Variants in NCF1 observed in about 807,000 individuals in gnomAD.
The protein encoded by NCF1 is neutrophil cytosol factor 1.
In NCF1, 8 loss-of-function variants were observed where a neutral mutation model predicts 34.9. The ratio of observed to expected loss-of-function variants is 0.23; its 90% CI spans 0.13 to 0.41. The LOEUF (loss-of-function observed/expected upper bound fraction) is 0.41, where lower values mean the gene tolerates loss of function less well. NCF1 is among the 10% of genes least tolerant of loss of function. The pLI, the probability that NCF1 is intolerant of heterozygous loss-of-function variation, is 1.00. For missense variants in NCF1, 122 were observed against 362.4 expected (o/e 0.34, Z 5.39); for synonymous variants, 57 against 146.3 (o/e 0.39, Z 4.41).
At chr7:74,777,122 C>T in intron 1 of NCF1, 145 bp from the exon 2 acceptor site, 1 of 673,668 alleles carries the variant, frequency 1.5e-6, no homozygotes. Flanking sequence ...CACGTTTGTG[C>T]CCTTTCTGCA....
At position 74,777,347 on chromosome 7, in the gene NCF1, T is replaced by C. The variant is rs1353672234; in HGVS notation, c.153T>C (p.His51=). ...YRRFTEIYEF[H]KTLKEMFPIE... The stretch of plus-strand genomic sequence containing the variant: ...GCTTCACCGAGATCTACGAGTTCCA[T>C]GTGAGTGTGGGGATGGAGGAGGGAC... Residue 51 remains histidine (H), a splice_region_variant and synonymous_variant, in exon 2 of 11, where the codon CAT becomes CAC. Coordinates refer to ENST00000289473, the MANE Select transcript of NCF1 (RefSeq NM_000265.7). 1.9e-6 allele frequency: 3 copies of C among 1,575,496 alleles called. No homozygotes were observed. The highest frequency in any genetic ancestry group is 2.8e-5 in the African/African-American group (2 of 71,604).
At chr7:74,787,138 G>A (rs1554414639) in intron 8 of NCF1, among the ~76,000 whole-genome samples, 1 of 151,322 alleles carries the variant, frequency 6.6e-6, no homozygotes, top group African/African-American at 2.4e-5. Flanking sequence ...AGTAAAACCT[G>A]AAACTAAAAA....
At chr7:74,782,547 C>A (rs1432548277) in intron 5 of NCF1, among the ~76,000 whole-genome samples, 1 of 141,796 alleles carries the variant, frequency 7.1e-6, no homozygotes, top group South Asian at 2.3e-4. Flanking sequence ...AGTTCGAGAC[C>A]AGCCTGGGCA....
At position 74,788,704 on chromosome 7, in the gene NCF1, G is replaced by C. The variant is rs782284699; in HGVS notation, c.1051G>C (p.Glu351Gln). The change falls in exon 10 of 11, where the codon GAG becomes CAG. Residue 351 changes from glutamate to glutamine, a missense_variant and splice_region_variant. Physicochemically the swap from Glu to Gln is conservative, Grantham distance 29. Coordinates refer to ENST00000289473, the MANE Select transcript of NCF1 (RefSeq NM_000265.7). ...PGPQSPGSPL[E>Q]EERQTQRSKP... ...ACCGCAGAGCCCCGGGAGCCCGCTC[G>C]GTGAGTGCAGCGGGAGAGGGCAGGA... 33 of 1,549,748 alleles carry C rather than the reference G, an allele frequency of 2.1e-5. No homozygotes were observed. The highest frequency in any genetic ancestry group is 2.9e-5 in the Non-Finnish European group (33 of 1,155,374).
intron 2 of NCF1, 28 bp downstream of exon 2, chr7:74,777,375 G>C (rs1554413155): frequency 1.3e-6 from 2 of 1,504,024 alleles, no homozygotes; most frequent in East Asian, 5.1e-5. Flanking sequence ...GGAGGGACAG[G>C]GACCCACCGT....
chr7:74,777,571 C>T (rs1386541489), intron 2 of NCF1: 162 of 498,216 alleles, frequency 3.3e-4, no homozygotes, highest in Non-Finnish European at 3.8e-4. Flanking sequence ...CCCCCACGCT[C>T]GGCCTTTTAG....
chr7:74,783,058 A>T lies in NCF1; in HGVS notation c.571A>T (p.Ser191Cys), dbSNP rs1295715643. Residue 191 changes from serine (S) to cysteine (C), a missense_variant, in exon 6 of 11, where the codon AGC becomes TGC. By Grantham distance (112) the Ser-to-Cys change is moderately radical. Coordinates refer to ENST00000289473, the MANE Select transcript of NCF1 (RefSeq NM_000265.7). ...GGTGGAGGTCGTAGAGAAGAGCGAG[A>T]GCGGTCAGACCTCCCACCTTACGGG... ...DVVEVVEKSE[S>C]GWWFCQMKAK... is the part of the protein sequence containing the mutation. 1.2e-6 allele frequency: 2 copies of T among 1,611,264 alleles called. No homozygotes were observed. Among genetic ancestry groups the T allele is most frequent in the Non-Finnish European group, 1.7e-6 (2 of 1,179,636 alleles).
chr7:74,775,948 CTTT>C (rs782778957), intron 1 of NCF1, among the ~76,000 whole-genome samples: 18 of 114,160 alleles, frequency 1.6e-4, no homozygotes, highest in Admixed American at 1.9e-4. Flanking sequence ...CTGGATCAGT[CTTT>C]TTTTTTTTTT....
rs1554414119 is a variant in NCF1 at position 74,783,549 on chromosome 7, C to T, written c.599C>T (p.Ala200Val). The T allele has an allele frequency of 6.2e-7, 1 of 1,611,830 alleles. No homozygotes were observed. The highest frequency in any genetic ancestry group is 1.7e-5 in the Admixed American group (1 of 59,980). ...GGTTGGTGGTTCTGTCAGATGAAAG[C>T]AAAGCGAGGCTGGATCCCAGCGTCC... ...ESGWWFCQMKAKRGWIPASFL... is the reference protein window; with the variant it reads ...ESGWWFCQMKVKRGWIPASFL... Residue 200 changes from alanine (A) to valine (V), a missense_variant, in exon 7 of 11, where the codon GCA (alanine) becomes GTA (valine). Ala to Val is a moderately conservative substitution (Grantham distance 64, BLOSUM62 0). Coordinates refer to ENST00000289473, the MANE Select transcript of NCF1 (RefSeq NM_000265.7).
At chr7:74,787,333 G>A (rs1419601782) in intron 8 of NCF1, among the ~76,000 whole-genome samples, 4 of 152,110 alleles carry the variant, frequency 2.6e-5, no homozygotes, top group Non-Finnish European at 5.9e-5. Context: ...CCAGCTACTT[G>A]GGAAGCTGAG....
At chr7:74,788,412 G>C in intron 9 of NCF1, 147 bp from the exon 10 acceptor site, 1 of 669,236 alleles carries the variant, frequency 1.5e-6, no homozygotes, top group South Asian at 2.0e-5. Flanking sequence ...TTGTCGTGAC[G>C]GGGGCAGCCG....
intron 5 of NCF1, among the ~76,000 whole-genome samples, chr7:74,782,693 G>A (rs1408004485): frequency 3.9e-5 from 6 of 152,066 alleles, no homozygotes; most frequent in East Asian, 1.9e-4. Context: ...CTGTGATCAC[G>A]TCACTGTACT....
At chr7:74,785,822 G>A (rs2465933) in intron 8 of NCF1, among the ~76,000 whole-genome samples, 74 of 141,342 alleles carry the variant, frequency 5.2e-4, no homozygotes, top group South Asian at 1.6e-3. Context: ...GGCGGAGGTT[G>A]CAGTGAGCCA....
chr7:74,787,005 T>C (rs1397424938), intron 8 of NCF1, among the ~76,000 whole-genome samples: 1 of 144,076 alleles, frequency 6.9e-6, no homozygotes, highest in Non-Finnish European at 1.5e-5. Flanking sequence ...TTTCAACAAA[T>C]GGTGCTGGAA....
intron 4 of NCF1, 138 bp downstream of exon 4, chr7:74,779,560 TTCCACC>T: frequency 5.3e-6 from 4 of 749,620 alleles, no homozygotes; most frequent in Non-Finnish European, 7.9e-6. Flanking sequence ...AGGAGGCAAA[TTCCACC>T]TCCGGCCCCT....
chr7:74,786,946 G>C (rs1468371380), intron 8 of NCF1, among the ~76,000 whole-genome samples: 3 of 124,312 alleles, frequency 2.4e-5, no homozygotes, highest in Non-Finnish European at 5.1e-5. Flanking sequence ...GTTTTCTTTT[G>C]TTTTTTTTTT....
Position 74,777,302 on chromosome 7 carries a change from G to A in NCF1, c.108G>A (p.Ser36=), listed in dbSNP as rs146173318. ...TCCTGGTGAAATGGCAGGACCTGTC[G>A]GAGAAGGTGGTCTACCGGCGCTTCA... ...YMFLVKWQDL[S]EKVVYRRFTE... Residue 36 remains serine (S), a synonymous_variant, in exon 2 of 11, where the codon TCG becomes TCA. Transcript: ENST00000289473. 3.9e-4 allele frequency: 624 copies of A among 1,611,216 alleles called. No homozygotes were observed. The highest frequency in any genetic ancestry group is 4.9e-4 in the Non-Finnish European group (575 of 1,178,724).
At chr7:74,783,778 G>A (rs1796622928) in intron 7 of NCF1, 146 bp downstream of exon 7, 1 of 1,480,596 alleles carries the variant, frequency 6.8e-7, no homozygotes, top group African/African-American at 1.4e-5. Flanking sequence ...CTGGCTTGGG[G>A]GCCCTGGCAG....
At chr7:74,785,825 G>C (rs1478389490) in intron 8 of NCF1, among the ~76,000 whole-genome samples, 2 of 147,504 alleles carry the variant, frequency 1.4e-5, no homozygotes, top group South Asian at 4.3e-4. Flanking sequence ...GGAGGTTGCA[G>C]TGAGCCAAGA....
Sources: allele counts gnomAD v4.1 joint callset (sites outside exome capture counted in the v4.1 genomes callset), GRCh38; gene constraint gnomAD v4.1.1; transcripts MANE v1.5; gene names NCBI Gene and HGNC (gene_info 2026-07-23, HGNC 2026-07-21).